Variants in SLC36A3 observed in about 807,000 individuals in gnomAD.
SLC36A3 encodes solute carrier family 36 member 3, also known as proton-coupled amino acid transporter 3.
A neutral mutation model predicts 44.3 loss-of-function variants in SLC36A3; 35 were observed. The observed-to-expected ratio is 0.79, with a 90% CI of 0.60 to 1.05. SLC36A3 has a LOEUF of 1.05. Among genes scored for constraint, SLC36A3 ranks in the 50% least tolerant of loss-of-function variants. The pLI is 0.00. For missense variants in SLC36A3, 540 were observed against 578.7 expected, an observed-to-expected ratio of 0.93 and a Z score of 0.69; for synonymous variants, 211 against 227.6, an observed-to-expected ratio of 0.93 and a Z score of 0.66.
chr5:151,292,280 C>T (rs1171544036), intron 4 of SLC36A3, among the ~76,000 whole-genome samples: 1 of 152,138 alleles, frequency 6.6e-6, no homozygotes, highest in African/African-American at 2.4e-5. Context: ...CTCATCTAAT[C>T]ATTAGAGTGG....
At chr5:151,289,883 T>C (rs1158369608) in intron 4 of SLC36A3, among the ~76,000 whole-genome samples, 1 of 152,188 alleles carries the variant, frequency 6.6e-6, no homozygotes, top group Non-Finnish European at 1.5e-5. Context: ...CTTTGTAATC[T>C]GTGGGGTAAA....
intron 4 of SLC36A3, 97 bp from the exon 5 acceptor site, chr5:151,288,567 ATT>A: frequency 9.9e-7 from 1 of 1,011,328 alleles, no homozygotes; most frequent in Non-Finnish European, 1.4e-6. Context: ...TTTTGTTATT[ATT>A]TTTAAAAATT....
rs367683866 is a variant in SLC36A3, at chr5:151,285,399, A to G, written c.709-688T>C. On this transcript the variant is annotated intron_variant, in intron 6 of 9. Transcript: ENST00000335230. ...GAGAGGGGAATTGCCCAAGGTCACT[A>G]TGCAAGTTAGTGGCACAGCCCAGAT... Among the ~76,000 whole-genome samples the G allele has an allele frequency of 2.6e-5, 4 of 152,324 alleles. No individual in the cohort carries two copies. In the South Asian group the frequency reaches 8.3e-4, roughly 32 times the overall value.
chr5:151,294,716 G>A (rs1039680510), intron 3 of SLC36A3, among the ~76,000 whole-genome samples: 12 of 151,350 alleles, frequency 7.9e-5, no homozygotes, highest in African/African-American at 7.3e-5. Flanking sequence ...CAAAACCTCC[G>A]CCTCCCGGGT....
Position 151,283,777 on chromosome 5 carries a change from G to C in SLC36A3, c.974+267C>G, listed in dbSNP as rs10040217. ...ATGTATTAATCCAATTAATCCCCAC[G>C]GTCACTGCATCAGGTAGCACAGCAG... On this transcript the variant is annotated intron_variant, in intron 8 of 9. Transcript: ENST00000335230. Among the ~76,000 whole-genome samples the C allele has an allele frequency of 0.16, 24,696 of 152,192 alleles. 2,612 individuals carry two copies. The highest frequency in any genetic ancestry group is 0.3 in the East Asian group (1,538 of 5,184).
Position 151,281,116 on chromosome 5 carries a change from C to T in SLC36A3, c.1042G>A (p.Val348Ile), listed in dbSNP as rs758913228. ...IFFTYALQFH[V>I]PAEIIIPFAI... ...AACGGGATGATGATCTCAGCTGGGA[C>T]GTGGAACTGGAGGGCATAGGTGAAG... is the stretch of plus-strand genomic sequence containing the variant. Residue 348 changes from valine (V) to isoleucine (I), a missense_variant, in exon 9 of 10, where the codon GTC (valine) becomes ATC (isoleucine). Coordinates refer to ENST00000335230, the MANE Select transcript of SLC36A3 (RefSeq NM_181774.4). 114 of 1,614,084 alleles carry T rather than the reference C, an allele frequency of 7.1e-5. 4 individuals are homozygous for T. In the South Asian group the frequency reaches 1.1e-3, roughly 16 times the overall value.
chr5:151,296,033 C>T, intron 3 of SLC36A3, 147 bp downstream of exon 3: 1 of 733,772 alleles, frequency 1.4e-6, no homozygotes, highest in Non-Finnish European at 2.4e-6. Context: ...GACTCTCTGT[C>T]ATGCTCTCCT....
chr5:151,303,256 A>T lies in SLC36A3; in HGVS notation c.99T>A (p.Asn33Lys). ...SESSSSITSENVHPAGEAGLS... is the reference protein window; with the variant it reads ...SESSSSITSEKVHPAGEAGLS... ...GTCCAGCTTCTCCAGCAGGATGGACATTCTCTGAAGTAATGCTACTGCTGC... is the reference window on the plus strand; with the variant it reads ...GTCCAGCTTCTCCAGCAGGATGGACTTTCTCTGAAGTAATGCTACTGCTGC... The change falls in exon 1 of 10, where the codon AAT becomes AAA. Residue 33 changes from asparagine (N) to lysine (K), a missense_variant. Transcript: ENST00000335230. The T allele has an allele frequency of 6.2e-7, 1 of 1,614,024 alleles. No homozygotes were observed. The highest frequency in any genetic ancestry group is 8.5e-7 in the Non-Finnish European group (1 of 1,179,928).
intron 4 of SLC36A3, among the ~76,000 whole-genome samples, chr5:151,290,175 C>T (rs773992908): frequency 5.3e-5 from 8 of 152,052 alleles, no homozygotes; most frequent in Non-Finnish European, 7.4e-5. Context: ...TTTGGAGATG[C>T]ATTTTTCTAA....
intron 9 of SLC36A3, among the ~76,000 whole-genome samples, chr5:151,279,058 C>T (rs1580800994): frequency 1.3e-5 from 2 of 152,180 alleles, no homozygotes; most frequent in East Asian, 3.8e-4. Context: ...TCCACTTCTC[C>T]AAAGGGGCCA....
chr5:151,288,639 T>C (rs1429386334), intron 4 of SLC36A3, among the ~76,000 whole-genome samples, 169 bp from the exon 5 acceptor site: 3 of 147,690 alleles, frequency 2.0e-5, no homozygotes. Flanking sequence ...AATAGTATAA[T>C]TAACATCCAT....
chr5:151,285,256 T>C (rs748488897), intron 6 of SLC36A3, among the ~76,000 whole-genome samples: 2 of 152,254 alleles, frequency 1.3e-5, no homozygotes, highest in Non-Finnish European at 2.9e-5. Flanking sequence ...TTCCACTCTA[T>C]ATATAGACAC....
At chr5:151,280,000 A>G (rs1182246940) in intron 9 of SLC36A3, among the ~76,000 whole-genome samples, 2 of 152,166 alleles carry the variant, frequency 1.3e-5, no homozygotes, top group African/African-American at 4.8e-5. Flanking sequence ...CTCATGGGTC[A>G]TCGTTTGTGA....
chr5:151,299,468 T>C (rs946166003), intron 1 of SLC36A3, among the ~76,000 whole-genome samples: 2 of 151,458 alleles, frequency 1.3e-5, no homozygotes, highest in Non-Finnish European at 2.9e-5. Flanking sequence ...CAATTGTTAC[T>C]GTGCATATAG....
At chr5:151,291,530 TG>T (rs1754757282) in intron 4 of SLC36A3, among the ~76,000 whole-genome samples, 1 of 152,218 alleles carries the variant, frequency 6.6e-6, no homozygotes, top group Non-Finnish European at 1.5e-5. Flanking sequence ...TCTATTTGGT[TG>T]GTGACTTCCT....
chr5:151,299,408 A>G (rs368403967), intron 1 of SLC36A3, among the ~76,000 whole-genome samples: 7 of 147,754 alleles, frequency 4.7e-5, no homozygotes, highest in East Asian at 2.0e-4. Context: ...ATATATATGA[A>G]TTGCTATATA....
intron 8 of SLC36A3, among the ~76,000 whole-genome samples, 159 bp downstream of exon 8, chr5:151,283,885 T>A (rs996280201): frequency 9.2e-5 from 14 of 152,248 alleles, no homozygotes; most frequent in Non-Finnish European, 2.1e-4. Flanking sequence ...TGCGGCCATG[T>A]GGCTTGCTTT....
chr5:151,286,789 G>T (rs1245845232), intron 6 of SLC36A3, among the ~76,000 whole-genome samples: 1 of 152,024 alleles, frequency 6.6e-6, no homozygotes, highest in African/African-American at 2.4e-5. Context: ...AAATAATTTG[G>T]CACCAAGTAA....
chr5:151,296,116 A>G, intron 3 of SLC36A3, 64 bp downstream of exon 3: 2 of 1,513,734 alleles, frequency 1.3e-6, no homozygotes, highest in Non-Finnish European at 1.8e-6. Context: ...CAGTGGTCAA[A>G]AGAAGAGCAA....
Sources: allele counts gnomAD v4.1 joint callset (sites outside exome capture counted in the v4.1 genomes callset), GRCh38; gene constraint gnomAD v4.1.1; transcripts MANE v1.5; gene names NCBI Gene and HGNC (gene_info 2026-07-23, HGNC 2026-07-21).